The following METAP1 variants were observed in gnomAD, a reference collection of about 807,000 sequenced individuals.
METAP1 encodes methionyl aminopeptidase 1.
In METAP1, 28 loss-of-function variants were observed where a neutral mutation model predicts 53.8. The observed-to-expected ratio is 0.52, with a 90% confidence interval of 0.39 to 0.71. METAP1 has a LOEUF of 0.71. Among genes scored for constraint, METAP1 ranks in the 30% least tolerant of loss-of-function variants. The pLI, the probability that METAP1 is intolerant of heterozygous loss-of-function variation, is 0.00. For synonymous variants in METAP1, 181 were observed against 165.7 expected, an observed-to-expected ratio of 1.09 and a Z score of -0.71; for missense variants, 389 against 479.8, an observed-to-expected ratio of 0.81 and a Z score of 1.77.
At chr4:99,000,169 T>G (rs954580543) in intron 1 of METAP1, among the ~76,000 whole-genome samples, 2 of 152,254 alleles carry the variant, frequency 1.3e-5, no homozygotes, top group African/African-American at 4.8e-5. Flanking sequence ...CACTCATTTA[T>G]TTGCTTATGG....
At chr4:99,044,088 C>T (rs1036203203) in intron 7 of METAP1, among the ~76,000 whole-genome samples, 4 of 152,030 alleles carry the variant, frequency 2.6e-5, no homozygotes, top group Non-Finnish European at 4.4e-5. Flanking sequence ...CTACCATGCC[C>T]AGCTCAGTTT....
At chr4:99,001,430 A>T (rs544020882) in intron 1 of METAP1, among the ~76,000 whole-genome samples, 7 of 152,250 alleles carry the variant, frequency 4.6e-5, no homozygotes, top group Non-Finnish European at 1.0e-4. Flanking sequence ...GATGATTTCT[A>T]TGAAATTTTG....
At chr4:99,039,315 C>A in intron 4 of METAP1, 59 bp from the exon 5 acceptor site, 1 of 983,746 alleles carries the variant, frequency 1.0e-6, no homozygotes, top group Non-Finnish European at 1.6e-6. Flanking sequence ...TATAATTATG[C>A]AAATAAATAC....
chr4:99,040,695 A>G (rs926484747), intron 5 of METAP1, among the ~76,000 whole-genome samples: 1 of 140,020 alleles, frequency 7.1e-6, no homozygotes, highest in Non-Finnish European at 1.5e-5. Flanking sequence ...GGATCTCACT[A>G]TGTTGCCCAG....
intron 1 of METAP1, chr4:99,005,926 G>A: frequency 4.3e-6 from 1 of 230,196 alleles, no homozygotes; most frequent in Non-Finnish European, 9.0e-6. Flanking sequence ...GAAAGGGGGA[G>A]GGCTGGCTGA....
chr4:99,049,500 AT>A (rs964388766), intron 9 of METAP1, among the ~76,000 whole-genome samples: 11 of 152,208 alleles, frequency 7.2e-5, no homozygotes, highest in Non-Finnish European at 1.3e-4. Flanking sequence ...ATAGAGGGGA[AT>A]AAACAAAGTG....
chr4:98,999,854 A>G (rs1722840187), intron 1 of METAP1, among the ~76,000 whole-genome samples: 2 of 152,114 alleles, frequency 1.3e-5, no homozygotes, highest in Admixed American at 1.3e-4. Flanking sequence ...TTAGAGGAGT[A>G]CAACCAGTTT....
intron 1 of METAP1, among the ~76,000 whole-genome samples, chr4:99,008,892 TAAA>T (rs889348466): frequency 2.0e-5 from 3 of 152,214 alleles, no homozygotes; most frequent in African/African-American, 7.2e-5. Context: ...AAATTTGTTA[TAAA>T]AAACATTTAA....
At chr4:99,000,741 A>G (rs1313539495) in intron 1 of METAP1, among the ~76,000 whole-genome samples, 1 of 141,398 alleles carries the variant, frequency 7.1e-6, no homozygotes, top group Admixed American at 7.6e-5. Context: ...TTACTCTGTC[A>G]ACCCAAGGTT....
intron 8 of METAP1, among the ~76,000 whole-genome samples, chr4:99,045,758 T>C (rs1049347122): frequency 1.3e-5 from 2 of 152,208 alleles, no homozygotes; most frequent in Non-Finnish European, 2.9e-5. Context: ...GTTTAGGTTT[T>C]TTCTCTCTCC....
In METAP1 at chr4:99,033,175, C is replaced by T. The variant is rs193099939; in HGVS notation, c.167-1055C>T. 1.6e-3 allele frequency among the ~76,000 whole-genome samples: 242 copies of T among 151,920 alleles called. 2 individuals are homozygous for T. The highest frequency in any genetic ancestry group is 2.8e-3 in the Non-Finnish European group (192 of 68,000). On this transcript the variant is annotated intron_variant, in intron 2 of 10. Coordinates refer to ENST00000296411, the MANE Select transcript of METAP1 (RefSeq NM_015143.3). ...CACTATATTGTCTTTAAGATCCTCT[C>T]TAAGTTTAACATTTTAAGATTCCAT... is the stretch of plus-strand genomic sequence containing the variant.
At chr4:99,048,474 C>T (rs1174312091) in intron 8 of METAP1, among the ~76,000 whole-genome samples, 1 of 152,006 alleles carries the variant, frequency 6.6e-6, no homozygotes, top group Non-Finnish European at 1.5e-5. Context: ...TTCTAGTGAT[C>T]CTCCTAGCAC....
intron 1 of METAP1, among the ~76,000 whole-genome samples, chr4:99,007,562 C>CT (rs879645089): frequency 2.6e-3 from 372 of 143,004 alleles, no homozygotes; most frequent in East Asian, 4.3e-3. Flanking sequence ...AATAGCTGAT[C>CT]TTTTTTTTTT....
chr4:98,998,886 C>T (rs910713601), intron 1 of METAP1, among the ~76,000 whole-genome samples: 38 of 151,908 alleles, frequency 2.5e-4, no homozygotes, highest in African/African-American at 9.0e-4. Context: ...TCTCGACTCA[C>T]CGCAACCTCC....
intron 4 of METAP1, among the ~76,000 whole-genome samples, chr4:99,036,511 G>C (rs1024372359): frequency 1.3e-5 from 2 of 152,062 alleles, no homozygotes; most frequent in Non-Finnish European, 2.9e-5. Context: ...TCACCTTTAT[G>C]TACAGAACTT....
At chr4:98,997,113 G>C (rs959511539) in intron 1 of METAP1, among the ~76,000 whole-genome samples, 38 of 152,086 alleles carry the variant, frequency 2.5e-4, no homozygotes, top group Admixed American at 2.2e-3. Context: ...ATTTAACTCT[G>C]CCATAAATAA....
At position 99,045,246 on chromosome 4, in the gene METAP1, G is replaced by A; in HGVS notation, c.723G>A (p.Val241=). ...ATGAGACATTTTTTGTTGGAGAAGT[G>A]GATGATGGAGCACGGAAACTTGTTC... ...DLNETFFVGE[V]DDGARKLVQT... is the part of the protein sequence containing the mutation. Residue 241 remains valine (V), a synonymous_variant, in exon 8 of 11, where the codon GTG becomes GTA. Coordinates refer to ENST00000296411, the MANE Select transcript of METAP1 (RefSeq NM_015143.3). 1.2e-6 allele frequency: 2 copies of A among 1,613,790 alleles called. No individual in the cohort carries two copies. Among genetic ancestry groups the A allele is most frequent in the Non-Finnish European group, 1.7e-6 (2 of 1,179,776 alleles).
At chr4:99,048,603 C>G (rs936199955) in intron 8 of METAP1, 130 bp from the exon 9 acceptor site, 5 of 982,896 alleles carry the variant, frequency 5.1e-6, no homozygotes, top group African/African-American at 1.6e-5. Flanking sequence ...CTCCTGAGCT[C>G]AGGCGATCTT....
chr4:99,011,151 C>G (rs1365326324), intron 1 of METAP1, among the ~76,000 whole-genome samples: 1 of 151,546 alleles, frequency 6.6e-6, no homozygotes. Flanking sequence ...CCTTTTATTT[C>G]TTTTTCTTGC....
Sources: gnomAD v4.1 joint callset for allele counts (sites outside exome capture counted in the v4.1 genomes callset) on GRCh38, gnomAD v4.1.1 for gene constraint, MANE v1.5 for transcripts, NCBI Gene and HGNC (gene_info 2026-07-23, HGNC 2026-07-21) for gene names.